Variants in KLHL1 observed in about 807,000 individuals in gnomAD.
KLHL1 encodes the protein kelch like family member 1.
A neutral mutation model predicts 77.7 loss-of-function variants in KLHL1; 47 were observed. The observed-to-expected ratio is 0.60, with a 90% confidence interval of 0.48 to 0.77. The LOEUF (loss-of-function observed/expected upper bound fraction) is 0.77. KLHL1 is among the 30% of genes least tolerant of loss of function. KLHL1 has a pLI of 0.00. For synonymous variants in KLHL1, 360 were observed against 325.2 expected, an observed-to-expected ratio of 1.11 and a Z score of -1.15; for missense variants, 925 against 910.8, an observed-to-expected ratio of 1.02 and a Z score of -0.20.
chr13:69,947,104 C>T (rs1161182078), intron 3 of KLHL1, among the ~76,000 whole-genome samples: 1 of 147,092 alleles, frequency 6.8e-6, no homozygotes, highest in African/African-American at 2.5e-5. Flanking sequence ...GTCACTGTGG[C>T]TAATTCTTGT....
At chr13:70,050,460 C>T (rs1886603112) in intron 1 of KLHL1, among the ~76,000 whole-genome samples, 1 of 151,454 alleles carries the variant, frequency 6.6e-6, no homozygotes, top group Non-Finnish European at 1.5e-5. Flanking sequence ...TTTTAAAAAA[C>T]CCATACTCAT....
chr13:70,095,396 C>T (rs1048637030), intron 1 of KLHL1, among the ~76,000 whole-genome samples: 1 of 152,108 alleles, frequency 6.6e-6, no homozygotes, highest in Admixed American at 6.6e-5. Flanking sequence ...TACATGGAAT[C>T]TTATTTAATG....
chr13:69,822,653 T>G (rs998473406), intron 6 of KLHL1, among the ~76,000 whole-genome samples: 1 of 152,150 alleles, frequency 6.6e-6, no homozygotes, highest in Admixed American at 6.5e-5. Context: ...TATTACAAGT[T>G]ATGTGCAACA....
At chr13:69,884,426 C>CAAAAAA (rs60883710) in intron 4 of KLHL1, among the ~76,000 whole-genome samples, 1 of 64,900 alleles carries the variant, frequency 1.5e-5, no homozygotes, top group Non-Finnish European at 3.6e-5. Context: ...TCAGATTTTT[C>CAAAAAA]AAAAAAAAAA....
At chr13:70,093,909 T>A (rs993907) in intron 1 of KLHL1, among the ~76,000 whole-genome samples, 26,448 of 152,038 alleles carry the variant, frequency 0.17, 3,886 homozygotes, top group African/African-American at 0.4. Context: ...GTTAATTAAC[T>A]TGTTTGAATA....
intron 3 of KLHL1, among the ~76,000 whole-genome samples, chr13:69,957,275 T>C (rs1883920089): frequency 6.6e-6 from 1 of 151,716 alleles, no homozygotes; most frequent in African/African-American, 2.4e-5. Context: ...ATTTTACTAC[T>C]TTTAAAAACA....
At chr13:70,048,653 G>A (rs1218952006) in intron 1 of KLHL1, among the ~76,000 whole-genome samples, 2 of 152,172 alleles carry the variant, frequency 1.3e-5, no homozygotes, top group Non-Finnish European at 2.9e-5. Flanking sequence ...CCTCACATGC[G>A]CAGTTCACAA....
chr13:69,906,372 T>TTTTG (rs962640756), intron 4 of KLHL1, among the ~76,000 whole-genome samples: 20 of 152,002 alleles, frequency 1.3e-4, no homozygotes, highest in Non-Finnish European at 2.5e-4. Flanking sequence ...TCTCTGTGTT[T>TTTTG]TTTGTTTGTT....
intron 5 of KLHL1, among the ~76,000 whole-genome samples, chr13:69,875,599 G>A (rs1344490155): frequency 6.6e-6 from 1 of 152,076 alleles, no homozygotes; most frequent in African/African-American, 2.4e-5. Flanking sequence ...TGAGGAGTTT[G>A]TGCATGTGAA....
rs373682323 is a variant in KLHL1 at position 69,701,664 on chromosome 13, C to G, written c.*38G>C. The G allele has an allele frequency of 6.8e-7, 1 of 1,472,944 alleles. No homozygotes were observed. The highest frequency in any genetic ancestry group is 9.4e-7 in the Non-Finnish European group (1 of 1,058,878). The allele number at this position is 1,472,944 out of a possible 1,614,324, so 91.2% of individuals were successfully genotyped here. A position where few individuals can be genotyped will look rare whatever the true frequency, so the allele number is the denominator to read the frequency against. On this transcript the variant is annotated 3_prime_UTR_variant, in exon 11 of 11. Transcript: ENST00000377844. Reference sequence around the variant, plus strand: ...GCCATTCAATATAAAAATAACCACTCCAGCAAGTAAAATCTTTCCAAGTAA... The same window carrying G: ...GCCATTCAATATAAAAATAACCACTGCAGCAAGTAAAATCTTTCCAAGTAA...
chr13:69,798,369 T>G (rs955768141), intron 6 of KLHL1, among the ~76,000 whole-genome samples: 1 of 152,180 alleles, frequency 6.6e-6, no homozygotes, highest in Non-Finnish European at 1.5e-5. Context: ...ACAGAAGTTT[T>G]GCTAATTAAA....
chr13:69,979,136 G>T (rs1884633166), intron 1 of KLHL1, among the ~76,000 whole-genome samples: 1 of 148,202 alleles, frequency 6.7e-6, no homozygotes, highest in African/African-American at 2.5e-5. Context: ...GAAAGAATGG[G>T]ATTAAAAAAA....
intron 1 of KLHL1, among the ~76,000 whole-genome samples, chr13:70,059,305 G>A (rs752006923): frequency 5.3e-5 from 8 of 152,026 alleles, no homozygotes; most frequent in South Asian, 4.2e-4. Context: ...ATTACAGCAC[G>A]CATCACTATG....
intron 3 of KLHL1, among the ~76,000 whole-genome samples, chr13:69,943,642 GTTTCTTTT>G (rs1205922510): frequency 1.3e-5 from 2 of 151,824 alleles, no homozygotes; most frequent in African/African-American, 4.8e-5. Flanking sequence ...ATCAATTTTT[GTTTCTTTT>G]TGAAATGTGT....
At chr13:70,044,839 C>T (rs564270535) in intron 1 of KLHL1, among the ~76,000 whole-genome samples, 1 of 152,246 alleles carries the variant, frequency 6.6e-6, no homozygotes, top group South Asian at 2.1e-4. Context: ...GACAACACAG[C>T]TTATCTGTCA....
At chr13:69,804,523 G>A (rs950047011) in intron 6 of KLHL1, among the ~76,000 whole-genome samples, 1 of 152,108 alleles carries the variant, frequency 6.6e-6, no homozygotes, top group East Asian at 1.9e-4. Flanking sequence ...ACTCACCAGA[G>A]AGATCTTTAC....
chr13:69,772,028 T>G (rs1214026273), intron 7 of KLHL1, among the ~76,000 whole-genome samples: 1 of 152,126 alleles, frequency 6.6e-6, no homozygotes, highest in East Asian at 1.9e-4. Context: ...CTTGGCTCAC[T>G]GCAACCTCTG....
At chr13:69,716,212 C>A (rs1381299561) in intron 9 of KLHL1, among the ~76,000 whole-genome samples, 1 of 152,098 alleles carries the variant, frequency 6.6e-6, no homozygotes, top group Non-Finnish European at 1.5e-5. Flanking sequence ...GTCTGTATAA[C>A]AACCTATTTA....
chr13:69,878,829 T>C (rs926474508), intron 5 of KLHL1, among the ~76,000 whole-genome samples: 5 of 152,178 alleles, frequency 3.3e-5, no homozygotes, highest in Middle Eastern at 3.4e-3. Flanking sequence ...CTAGTCACAA[T>C]AGCAAAGACT....
Sources: gnomAD v4.1 joint callset for allele counts (sites outside exome capture counted in the v4.1 genomes callset) on GRCh38, gnomAD v4.1.1 for gene constraint, MANE v1.5 for transcripts, NCBI Gene and HGNC (gene_info 2026-07-23, HGNC 2026-07-21) for gene names.